The following AGXT2 variants were observed in gnomAD, a reference collection of about 807,000 sequenced individuals.
AGXT2 encodes the protein alanine--glyoxylate aminotransferase 2, mitochondrial.
AGXT2 carries 61 observed loss-of-function variants against 62.5 expected under a neutral mutation model. That is an observed-to-expected ratio of 0.98 (90% confidence interval 0.79 to 1.21). The LOEUF (loss-of-function observed/expected upper bound fraction) is 1.21, where lower values mean the gene tolerates loss of function less well. AGXT2 is among the 50% of genes most tolerant of loss of function. The probability of loss-of-function intolerance (pLI) is 0.00; values close to 1 mark genes in which losing one functional copy is unlikely to be tolerated. For synonymous variants in AGXT2, 243 were observed against 218.7 expected, an observed-to-expected ratio of 1.11 and a Z score of -0.98; for missense variants, 666 against 641.5, an observed-to-expected ratio of 1.04 and a Z score of -0.41.
In AGXT2 at chr5:35,047,791, T is replaced by C. The variant is rs1439804239; in HGVS notation, c.88+14A>G. ...GATCCTCTACTGACCCACGTCCCCC[T>C]GGTTTCCACTTACGGCTCAGGAAAG... On this transcript the variant is annotated intron_variant, in intron 1 of 13. Transcript: ENST00000231420. The C allele has an allele frequency of 2.5e-6, 4 of 1,613,748 alleles. No homozygotes were observed. Among genetic ancestry groups the C allele is most frequent in the African/African-American group, 1.3e-5 (1 of 74,910 alleles).
At position 35,047,472 on chromosome 5, in the gene AGXT2, G is replaced by C. The variant is rs377757121; in HGVS notation, c.88+333C>G. ...AAGAAAAAATAGAAATCATCCTTGG[G>C]CATCTGTAAATTGAAGTCACACTCT... On this transcript the variant is annotated intron_variant, in intron 1 of 13. Transcript: ENST00000231420. Among the ~76,000 whole-genome samples the C allele has an allele frequency of 3.9e-5, 6 of 152,134 alleles. No homozygotes were observed. In the East Asian group the frequency reaches 9.7e-4, roughly 25 times the overall value.
intron 8 of AGXT2, 145 bp from the exon 9 acceptor site, chr5:35,026,000 G>A (rs1767329821): frequency 1.4e-6 from 1 of 739,648 alleles, no homozygotes; most frequent in Non-Finnish European, 2.4e-6. Flanking sequence ...TTTCCACTGT[G>A]GGTGAAAAGA....
intron 9 of AGXT2, among the ~76,000 whole-genome samples, chr5:35,020,526 C>T (rs1470488646): frequency 6.6e-6 from 1 of 152,048 alleles, no homozygotes; most frequent in Admixed American, 6.6e-5. Context: ...TTCAACAACC[C>T]TTCATGCTAA....
chr5:35,040,682 A>G lies in AGXT2; in HGVS notation c.89-19T>C. The G allele has an allele frequency of 6.3e-7, 1 of 1,589,620 alleles. No individual in the cohort carries two copies. The stretch of plus-strand genomic sequence containing the variant: ...GTACCTACTGAAAGTGAAGTGAGTT[A>G]GAATCCTCAACTAAGCATGACATAG... On this transcript the variant is annotated intron_variant, in intron 1 of 13. Transcript: ENST00000231420.
At chr5:35,013,820 T>A (rs1453102628) in intron 10 of AGXT2, among the ~76,000 whole-genome samples, 167 bp downstream of exon 10, 1 of 151,420 alleles carries the variant, frequency 6.6e-6, no homozygotes, top group East Asian at 1.9e-4. Flanking sequence ...TTCTTCCAAC[T>A]GTTTCACAGT....
chr5:35,033,604 G>A (rs371483754), intron 5 of AGXT2, 51 bp from the exon 6 acceptor site: 3 of 1,407,494 alleles, frequency 2.1e-6, no homozygotes, highest in Non-Finnish European at 2.0e-6. Flanking sequence ...GGTCCACTGA[G>A]TAGGACAAAA....
chr5:35,044,155 G>A (rs1450790922), intron 1 of AGXT2, among the ~76,000 whole-genome samples: 2 of 152,184 alleles, frequency 1.3e-5, no homozygotes, highest in Non-Finnish European at 2.9e-5. Flanking sequence ...GATGGAATTC[G>A]AGGCCTTGGC....
intron 9 of AGXT2, among the ~76,000 whole-genome samples, chr5:35,021,719 A>G (rs1767099505): frequency 6.6e-6 from 1 of 152,182 alleles, no homozygotes; most frequent in Non-Finnish European, 1.5e-5. Context: ...CAAAATTGAC[A>G]AATGGGATCT....
intron 13 of AGXT2, among the ~76,000 whole-genome samples, chr5:35,000,627 C>T (rs1056784754): frequency 7.9e-5 from 12 of 152,308 alleles, no homozygotes; most frequent in Admixed American, 1.3e-4. Flanking sequence ...AGTGATCTGC[C>T]GCTTCGGCCT....
intron 9 of AGXT2, among the ~76,000 whole-genome samples, chr5:35,022,663 T>C (rs1767156208): frequency 6.7e-6 from 1 of 150,294 alleles, no homozygotes; most frequent in Admixed American, 6.7e-5. Flanking sequence ...GCATGGCACA[T>C]GTATACATAT....
At chr5:35,008,884 C>T (rs1333622688) in intron 12 of AGXT2, among the ~76,000 whole-genome samples, 1 of 152,196 alleles carries the variant, frequency 6.6e-6, no homozygotes, top group Admixed American at 6.5e-5. Context: ...TCCCAAGATT[C>T]TCCTGCTCTT....
chr5:35,033,627 G>A, intron 5 of AGXT2, 74 bp from the exon 6 acceptor site: 1 of 1,145,856 alleles, frequency 8.7e-7, no homozygotes, highest in Non-Finnish European at 1.3e-6. Context: ...GAAAACCCAG[G>A]AAGGCTATGA....
rs1279064224 is a variant in AGXT2, at chr5:35,013,977, T to C, written c.1096+10A>G. On this transcript the variant is annotated intron_variant, in intron 10 of 13. Transcript: ENST00000231420. ...CCCAGAAGCAAACACAAACTGCCTG[T>C]GGGTCCTACCTGGAGTGGTTATGAC... is the stretch of plus-strand genomic sequence containing the variant. 3 of 1,613,806 alleles carry C rather than the reference T, an allele frequency of 1.9e-6. No individual in the cohort carries two copies. The highest frequency in any genetic ancestry group is 2.2e-5 in the East Asian group (1 of 44,870).
At chr5:35,017,735 C>T (rs890006047) in intron 9 of AGXT2, among the ~76,000 whole-genome samples, 10 of 152,154 alleles carry the variant, frequency 6.6e-5, no homozygotes, top group Non-Finnish European at 1.0e-4. Context: ...ATGACTTTGA[C>T]GAGTTGAGAG....
Position 35,026,403 on chromosome 5 carries a change from T to G in AGXT2, c.870+7A>C, listed in dbSNP as rs1373331971. 1 of 1,611,050 alleles carries G rather than the reference T, an allele frequency of 6.2e-7. No homozygotes were observed. Among genetic ancestry groups the G allele is most frequent in the Non-Finnish European group, 8.5e-7 (1 of 1,177,290 alleles). ...GCTCCATTAATGTCTAAGGTTCATA[T>G]ACCCACTTGAATAGGTTCTGCGAAA... On this transcript the variant is annotated splice_region_variant and intron_variant, in intron 8 of 13. Coordinates refer to ENST00000231420, the MANE Select transcript of AGXT2 (RefSeq NM_031900.4).
intron 11 of AGXT2, among the ~76,000 whole-genome samples, chr5:35,010,950 G>A (rs1458943322): frequency 6.6e-6 from 1 of 152,164 alleles, no homozygotes; most frequent in Non-Finnish European, 1.5e-5. Flanking sequence ...CTCTTTGGCT[G>A]AGCCCAGAGC....
In AGXT2 at chr5:35,038,299, G is replaced by A. The variant is rs1244496906; in HGVS notation, c.362+1025C>T. 2.6e-5 allele frequency among the ~76,000 whole-genome samples: 4 copies of A among 152,222 alleles called. No homozygotes were observed. The East Asian group carries it at 5.8e-4, about 22-fold the overall frequency. ...TTTAGCAAAATATATGAGAGTCACA[G>A]GAGGGGTAGAAAAGATGGCCTCCCA... is the stretch of plus-strand genomic sequence containing the variant. On this transcript the variant is annotated intron_variant, in intron 3 of 13. Coordinates refer to ENST00000231420, the MANE Select transcript of AGXT2 (RefSeq NM_031900.4).
intron 1 of AGXT2, 59 bp from the exon 2 acceptor site, chr5:35,040,722 G>A (rs1315561805): frequency 2.4e-6 from 3 of 1,265,332 alleles, no homozygotes; most frequent in African/African-American, 1.5e-5. Context: ...GTTTGTGAAA[G>A]TCACCTATAG....
intron 1 of AGXT2, among the ~76,000 whole-genome samples, chr5:35,042,236 G>T (rs940093569): frequency 6.6e-6 from 1 of 152,160 alleles, no homozygotes; most frequent in African/African-American, 2.4e-5. Flanking sequence ...ATTTTAAACA[G>T]TCAAGGCAGT....
Sources: gnomAD v4.1 joint callset for allele counts (sites outside exome capture counted in the v4.1 genomes callset) on GRCh38, gnomAD v4.1.1 for gene constraint, MANE v1.5 for transcripts, NCBI Gene and HGNC (gene_info 2026-07-23, HGNC 2026-07-21) for gene names.